The following IMMP2L variants were observed in gnomAD, a reference collection of about 807,000 sequenced individuals.
IMMP2L encodes mitochondrial inner membrane protease subunit 2.
A neutral mutation model predicts 19.3 loss-of-function variants in IMMP2L; 18 were observed. That is an observed-to-expected ratio of 0.93 (90% confidence interval 0.64 to 1.38). The LOEUF (loss-of-function observed/expected upper bound fraction) is 1.38, where lower values mean the gene tolerates loss of function less well. Ranked by LOEUF, IMMP2L falls within the 40% of genes most tolerant of loss-of-function variation. The pLI is 0.00. For missense variants in IMMP2L, 233 were observed against 218.2 expected (o/e 1.07, Z -0.43); for synonymous variants, 76 against 73.0 (o/e 1.04, Z -0.21).
intron 3 of IMMP2L, among the ~76,000 whole-genome samples, chr7:111,145,638 T>A (rs1267994095): frequency 6.6e-6 from 1 of 152,132 alleles, no homozygotes; most frequent in African/African-American, 2.4e-5. Context: ...AGGTGAACTC[T>A]TCCCACTTGC....
intron 3 of IMMP2L, among the ~76,000 whole-genome samples, chr7:111,352,135 G>T (rs1828226838): frequency 6.6e-6 from 1 of 152,144 alleles, no homozygotes; most frequent in Non-Finnish European, 1.5e-5. Context: ...TTAGCCAGAT[G>T]TTTGGAATCA....
intron 3 of IMMP2L, among the ~76,000 whole-genome samples, chr7:111,048,729 G>A (rs1792695336): frequency 6.6e-6 from 1 of 152,118 alleles, no homozygotes; most frequent in African/African-American, 2.4e-5. Context: ...TTATATTTGT[G>A]TTTCATAAAG....
At chr7:110,989,845 A>G (rs1822270323) in intron 3 of IMMP2L, among the ~76,000 whole-genome samples, 1 of 151,934 alleles carries the variant, frequency 6.6e-6, no homozygotes, top group Non-Finnish European at 1.5e-5. Context: ...TTGGCAGGGA[A>G]AAAGTTAATA....
rs200274480 is a variant in IMMP2L at position 111,281,257 on chromosome 7, GAA to G, written c.239+205979_239+205980del. ...GAAAGAAAGAAAGAAGAGAGAGAGAGAAAGAGAGAGAGAAAGAAAGAGAAGGA... is the reference window on the plus strand; with the variant it reads ...GAAAGAAAGAAAGAAGAGAGAGAGAGAGAGAGAGAGAAAGAAAGAGAAGGA... On this transcript the variant is annotated intron_variant, in intron 3 of 5. Transcript: ENST00000405709. Among the ~76,000 whole-genome samples the G allele has an allele frequency of 1.9e-3, 264 of 136,210 alleles. 12 individuals carry two copies. Among genetic ancestry groups the G allele is most frequent in the East Asian group, 4.1e-3 (20 of 4,894 alleles). The allele number at this position is 136,210 out of a possible 152,430, so 89.4% of individuals were successfully genotyped here. A position where few individuals can be genotyped will look rare whatever the true frequency, so the allele number is the denominator to read the frequency against.
intron 3 of IMMP2L, among the ~76,000 whole-genome samples, chr7:110,985,751 T>G (rs1236385545): frequency 6.6e-6 from 1 of 152,116 alleles, no homozygotes; most frequent in Non-Finnish European, 1.5e-5. Flanking sequence ...AGAAAGTACT[T>G]TTTCTCAAAG....
intron 5 of IMMP2L, among the ~76,000 whole-genome samples, chr7:110,673,671 T>C (rs1792081720): frequency 6.6e-6 from 1 of 152,176 alleles, no homozygotes; most frequent in African/African-American, 2.4e-5. Flanking sequence ...AGGGGGAAAA[T>C]GCCACCAGTC....
chr7:111,547,379 TA>T (rs1849022064), intron 1 of IMMP2L, among the ~76,000 whole-genome samples: 1 of 151,886 alleles, frequency 6.6e-6, no homozygotes, highest in African/African-American at 2.4e-5. Flanking sequence ...CCTCTAATAA[TA>T]AAAAATCATA....
intron 3 of IMMP2L, among the ~76,000 whole-genome samples, chr7:110,990,762 T>C (rs1361661893): frequency 6.6e-6 from 1 of 152,156 alleles, no homozygotes; most frequent in Non-Finnish European, 1.5e-5. Context: ...AACACAAACC[T>C]GGGAACACCA....
intron 5 of IMMP2L, among the ~76,000 whole-genome samples, chr7:110,719,182 C>A (rs1456428771): frequency 3.9e-5 from 6 of 152,104 alleles, no homozygotes; most frequent in African/African-American, 1.4e-4. Flanking sequence ...CTGGACTGAA[C>A]ATGAGTGAAA....
chr7:111,235,648 G>A (rs1022396677), intron 3 of IMMP2L, among the ~76,000 whole-genome samples: 1 of 151,652 alleles, frequency 6.6e-6, no homozygotes, highest in African/African-American at 2.4e-5. Flanking sequence ...ATTATCACTG[G>A]TATTAGTTTG....
chr7:111,454,635 T>C (rs1839526485), intron 3 of IMMP2L, among the ~76,000 whole-genome samples: 1 of 152,086 alleles, frequency 6.6e-6, no homozygotes, highest in African/African-American at 2.4e-5. Flanking sequence ...ATAGTTTCAT[T>C]ATTAAGAATT....
At chr7:111,192,753 A>G (rs972544730) in intron 3 of IMMP2L, among the ~76,000 whole-genome samples, 1 of 152,154 alleles carries the variant, frequency 6.6e-6, no homozygotes, top group Non-Finnish European at 1.5e-5. Context: ...AAGAGAGTGC[A>G]AAGTACACAA....
At chr7:111,280,219 A>C (rs185022553) in intron 3 of IMMP2L, among the ~76,000 whole-genome samples, 1 of 152,180 alleles carries the variant, frequency 6.6e-6, no homozygotes, top group East Asian at 1.9e-4. Context: ...TCTGTTTTAC[A>C]AGCATGCCAA....
intron 3 of IMMP2L, among the ~76,000 whole-genome samples, chr7:111,446,202 G>A (rs558551960): frequency 0.017 from 2,514 of 152,126 alleles, 31 homozygotes; most frequent in Middle Eastern, 0.082. Context: ...GGTGGAGCCC[G>A]CCACAGCTCA....
At chr7:111,128,645 T>C (rs1300391267) in intron 3 of IMMP2L, among the ~76,000 whole-genome samples, 3 of 152,068 alleles carry the variant, frequency 2.0e-5, no homozygotes, top group African/African-American at 7.2e-5. Flanking sequence ...GCCAACATGG[T>C]GAAACTCCGT....
intron 3 of IMMP2L, among the ~76,000 whole-genome samples, chr7:111,184,830 A>G (rs1041768781): frequency 2.6e-5 from 4 of 152,028 alleles, no homozygotes; most frequent in African/African-American, 4.8e-5. Context: ...GGAGTATTCA[A>G]TGCATAGAAA....
chr7:110,871,338 G>A (rs1043344459), intron 5 of IMMP2L, among the ~76,000 whole-genome samples: 2 of 152,070 alleles, frequency 1.3e-5, no homozygotes, highest in Non-Finnish European at 2.9e-5. Context: ...ATTTTCTTAG[G>A]GAGGGTTTAA....
chr7:111,048,258 A>AG (rs1792633669), intron 3 of IMMP2L, among the ~76,000 whole-genome samples: 1 of 148,922 alleles, frequency 6.7e-6, no homozygotes, highest in African/African-American at 2.5e-5. Flanking sequence ...AAAAAAAAAA[A>AG]AAAAAAAGAA....
chr7:111,172,535 T>C (rs896524308), intron 3 of IMMP2L, among the ~76,000 whole-genome samples: 3 of 151,554 alleles, frequency 2.0e-5, no homozygotes, highest in Non-Finnish European at 4.4e-5. Context: ...TTAAAATATA[T>C]AATACATTGC....
Sources: gnomAD v4.1 joint callset for allele counts (sites outside exome capture counted in the v4.1 genomes callset) on GRCh38, gnomAD v4.1.1 for gene constraint, MANE v1.5 for transcripts, NCBI Gene and HGNC (gene_info 2026-07-23, HGNC 2026-07-21) for gene names.